CSMD1: variants seen among roughly 807,000 people sequenced by gnomAD.
The protein encoded by CSMD1 is CUB and Sushi multiple domains 1, also known as CUB and sushi domain-containing protein 1.
Under a neutral mutation model 417.5 loss-of-function variants are expected in CSMD1, and 213 were observed. That is an observed-to-expected ratio of 0.51 (90% CI 0.46 to 0.57). The LOEUF is 0.57. CSMD1 is among the 20% of genes least tolerant of loss of function. The probability of loss-of-function intolerance (pLI) is 0.00; values close to 1 mark genes in which losing one functional copy is unlikely to be tolerated. For synonymous variants in CSMD1, 2,862 were observed against 1,736.8 expected, an observed-to-expected ratio of 1.65 and a Z score of -16.11; for missense variants, 6,923 against 4,529.7, an observed-to-expected ratio of 1.53 and a Z score of -15.17.
chr8:3,866,953 A>G (rs1805146454), intron 5 of CSMD1, among the ~76,000 whole-genome samples: 1 of 152,182 alleles, frequency 6.6e-6, no homozygotes, highest in South Asian at 2.1e-4. Context: ...AAGTACCACC[A>G]TTTTCATGAA....
chr8:3,799,927 A>C (rs1472943105), intron 5 of CSMD1, among the ~76,000 whole-genome samples: 1 of 152,166 alleles, frequency 6.6e-6, no homozygotes, highest in Non-Finnish European at 1.5e-5. Context: ...CCTGTTTCTC[A>C]AATATCCTTA....
chr8:3,068,559 T>C (rs984570572), intron 49 of CSMD1, among the ~76,000 whole-genome samples: 1 of 151,878 alleles, frequency 6.6e-6, no homozygotes, highest in African/African-American at 2.4e-5. Context: ...AGACATTTAG[T>C]TGGCTCATGT....
chr8:4,555,797 A>G (rs1355067207), intron 2 of CSMD1, among the ~76,000 whole-genome samples: 2 of 152,208 alleles, frequency 1.3e-5, no homozygotes, highest in Non-Finnish European at 2.9e-5. Flanking sequence ...AAAGAAAATT[A>G]GAAAACCTAT....
intron 3 of CSMD1, among the ~76,000 whole-genome samples, chr8:4,301,801 G>A (rs980798588): frequency 1.3e-5 from 2 of 152,178 alleles, no homozygotes; most frequent in Non-Finnish European, 2.9e-5. Flanking sequence ...GATTTTGCCA[G>A]GGGGGTTCAT....
At chr8:3,454,020 G>A (rs951599238) in intron 12 of CSMD1, among the ~76,000 whole-genome samples, 3 of 152,078 alleles carry the variant, frequency 2.0e-5, no homozygotes, top group East Asian at 1.9e-4. Flanking sequence ...TATATATTTA[G>A]GATAGTTAGC....
chr8:3,225,526 G>A (rs966554376), intron 27 of CSMD1, among the ~76,000 whole-genome samples: 2 of 152,080 alleles, frequency 1.3e-5, no homozygotes, highest in African/African-American at 2.4e-5. Flanking sequence ...ATCAGGGAGC[G>A]GGAGCTGATG....
chr8:3,223,998 G>T, intron 27 of CSMD1, 131 bp from the exon 28 acceptor site: 2 of 759,908 alleles, frequency 2.6e-6, no homozygotes, highest in Non-Finnish European at 4.1e-6. Context: ...AAGAGATTGT[G>T]TGTTGGTTAT....
intron 52 of CSMD1, among the ~76,000 whole-genome samples, chr8:3,000,830 C>G (rs137987401): frequency 2.6e-5 from 4 of 152,228 alleles, no homozygotes; most frequent in Admixed American, 6.5e-5. Flanking sequence ...GGAAGGAGCG[C>G]GAGATCGCGA....
intron 2 of CSMD1, among the ~76,000 whole-genome samples, chr8:4,427,551 A>G (rs1472608329): frequency 1.3e-5 from 2 of 152,128 alleles, no homozygotes; most frequent in African/African-American, 4.8e-5. Context: ...ATGTGAGTAT[A>G]TATACATCTT....
At chr8:4,760,742 G>C (rs938057174) in intron 1 of CSMD1, among the ~76,000 whole-genome samples, 1 of 152,046 alleles carries the variant, frequency 6.6e-6, no homozygotes, top group Non-Finnish European at 1.5e-5. Context: ...TAAGTTTGGG[G>C]AAAGTATTTT....
At chr8:3,240,212 G>A (rs550042857) in intron 26 of CSMD1, among the ~76,000 whole-genome samples, 10 of 152,254 alleles carry the variant, frequency 6.6e-5, no homozygotes, top group African/African-American at 1.4e-4. Context: ...CACTTCAGCT[G>A]TGGGTAATGA....
At chr8:3,939,130 G>A (rs961533665) in intron 5 of CSMD1, among the ~76,000 whole-genome samples, 1 of 152,068 alleles carries the variant, frequency 6.6e-6, no homozygotes, top group Non-Finnish European at 1.5e-5. Flanking sequence ...CAGAAAAACT[G>A]TTCTTGCCCT....
intron 49 of CSMD1, among the ~76,000 whole-genome samples, chr8:3,060,046 G>A (rs764583509): frequency 2.6e-4 from 40 of 152,134 alleles, no homozygotes; most frequent in Non-Finnish European, 4.7e-4. Flanking sequence ...AACATTTACC[G>A]CAAACTGGAA....
At position 4,752,201 on chromosome 8, in the gene CSMD1, C is replaced by T. The variant is rs1268659626; in HGVS notation, c.86-114643G>A. Among the ~76,000 whole-genome samples the T allele has an allele frequency of 6.6e-5, 10 of 152,218 alleles. No individual in the cohort carries two copies. The East Asian group carries it at 1.9e-3, about 29-fold the overall frequency. ...GGAAGTAGAAAAAAAATCACTTCAT[C>T]ATAAACAGTACTATCATATCTTAAT... On this transcript the variant is annotated intron_variant, in intron 1 of 69. Transcript: ENST00000635120.
chr8:4,724,084 C>G (rs548945604), intron 1 of CSMD1, among the ~76,000 whole-genome samples: 5 of 152,226 alleles, frequency 3.3e-5, no homozygotes, highest in African/African-American at 1.2e-4. Flanking sequence ...TCTATATGCA[C>G]TTAAGTGAGC....
At chr8:3,883,473 T>C (rs1034292582) in intron 5 of CSMD1, among the ~76,000 whole-genome samples, 1 of 152,154 alleles carries the variant, frequency 6.6e-6, no homozygotes. Context: ...TGTGTATATA[T>C]GTATATGCAC....
At chr8:2,972,238 A>G (rs1471552088) in intron 57 of CSMD1, among the ~76,000 whole-genome samples, 1 of 152,182 alleles carries the variant, frequency 6.6e-6, no homozygotes, top group Non-Finnish European at 1.5e-5. Flanking sequence ...CAAGGACAAT[A>G]AATGAAGATT....
intron 5 of CSMD1, among the ~76,000 whole-genome samples, chr8:3,938,083 G>T (rs915367741): frequency 6.6e-6 from 1 of 152,032 alleles, no homozygotes; most frequent in East Asian, 1.9e-4. Context: ...ACACAGGATC[G>T]TGTAGTAGAA....
At chr8:4,390,497 T>TTTTTTTTATTTATTTATGTATTTA (rs58291340) in intron 3 of CSMD1, among the ~76,000 whole-genome samples, 1 of 140,324 alleles carries the variant, frequency 7.1e-6, no homozygotes, top group Admixed American at 7.1e-5. Context: ...AAGCGTCCAT[T>TTTTTTTTATTTATTTATGTATTTA]TTTATTTATT....
Sources: gnomAD v4.1 joint callset for allele counts (sites outside exome capture counted in the v4.1 genomes callset) on GRCh38, gnomAD v4.1.1 for gene constraint, MANE v1.5 for transcripts, NCBI Gene and HGNC (gene_info 2026-07-23, HGNC 2026-07-21) for gene names.